Variants in SMURF1 observed in about 807,000 individuals in gnomAD.
SMURF1 encodes SMAD specific E3 ubiquitin protein ligase 1.
A neutral mutation model predicts 98.0 loss-of-function variants in SMURF1; 44 were observed. The observed-to-expected ratio is 0.45, with a 90% CI of 0.35 to 0.58. The LOEUF (loss-of-function observed/expected upper bound fraction) is 0.58. Among genes scored for constraint, SMURF1 ranks in the 20% least tolerant of loss-of-function variants. The probability of loss-of-function intolerance (pLI) is 0.00; values close to 1 mark genes in which losing one functional copy is unlikely to be tolerated. For missense variants in SMURF1, 687 were observed against 938.4 expected (o/e 0.73, Z 3.50); for synonymous variants, 396 against 374.9 (o/e 1.06, Z -0.65).
At chr7:99,080,861 C>A (rs1012058390) in intron 1 of SMURF1, among the ~76,000 whole-genome samples, 2 of 152,206 alleles carry the variant, frequency 1.3e-5, no homozygotes, top group Non-Finnish European at 2.9e-5. Flanking sequence ...CAGCTCCCTG[C>A]AAGGGATCAC....
chr7:99,048,761 A>G (rs1426884739), intron 9 of SMURF1: 4 of 152,246 alleles, frequency 2.6e-5, no homozygotes, highest in South Asian at 2.1e-4. Flanking sequence ...GTCCTGTTCA[A>G]GTTTTGCCAC....
intron 1 of SMURF1, among the ~76,000 whole-genome samples, chr7:99,110,252 A>C (rs956920351): frequency 4.6e-5 from 7 of 152,240 alleles, no homozygotes; most frequent in Non-Finnish European, 7.3e-5. Context: ...CTAGAAATAA[A>C]CTTTAGAAAT....
At chr7:99,135,058 T>C (rs1242478819) in intron 1 of SMURF1, among the ~76,000 whole-genome samples, 1 of 152,178 alleles carries the variant, frequency 6.6e-6, no homozygotes, top group Non-Finnish European at 1.5e-5. Context: ...AGGAAGTCCT[T>C]ATAAATATGA....
chr7:99,078,013 C>T (rs1361286895), intron 1 of SMURF1, among the ~76,000 whole-genome samples: 1 of 152,036 alleles, frequency 6.6e-6, no homozygotes, highest in Non-Finnish European at 1.5e-5. Flanking sequence ...AATAGTGGCA[C>T]CAGTGCCGGG....
intron 17 of SMURF1, 146 bp downstream of exon 17, chr7:99,032,891 C>T: frequency 1.0e-6 from 1 of 987,444 alleles, no homozygotes; most frequent in Non-Finnish European, 1.5e-6. Flanking sequence ...CCTTCTGTCT[C>T]AGGTGCTGTG....
chr7:99,122,026 T>C (rs1201836599), intron 1 of SMURF1, among the ~76,000 whole-genome samples: 1 of 152,132 alleles, frequency 6.6e-6, no homozygotes, highest in Non-Finnish European at 1.5e-5. Context: ...CAAGAACCTG[T>C]TTTTAGCATT....
Position 99,047,892 on chromosome 7 carries a change from A to C in SMURF1, c.954-10T>G. The C allele has an allele frequency of 6.2e-7, 1 of 1,612,914 alleles. No homozygotes were observed. The highest frequency in any genetic ancestry group is 8.5e-7 in the Non-Finnish European group (1 of 1,179,972). On this transcript the variant is annotated splice_polypyrimidine_tract_variant and intron_variant, in intron 9 of 17. Transcript: ENST00000361368. ...GAGTTGGCACTGGTGACTTGAGAAG[A>C]AGAGATGCAGAAAGTCACTCCGAAG...
intron 1 of SMURF1, among the ~76,000 whole-genome samples, chr7:99,088,257 C>CAAAA (rs537503861): frequency 3.8e-5 from 5 of 131,360 alleles, no homozygotes; most frequent in Non-Finnish European, 4.9e-5. Flanking sequence ...GACTCTGTCT[C>CAAAA]AAAAAAAAAA....
At chr7:99,035,475 T>C (rs1380201855) in intron 16 of SMURF1, 40 bp downstream of exon 16, 1 of 1,608,762 alleles carries the variant, frequency 6.2e-7, no homozygotes, top group South Asian at 1.1e-5. Context: ...ACAGCGCACA[T>C]AGACGCGTCA....
At chr7:99,044,549 T>A (rs965144304) in intron 11 of SMURF1, among the ~76,000 whole-genome samples, 1 of 152,130 alleles carries the variant, frequency 6.6e-6, no homozygotes. Flanking sequence ...ATATTACAGA[T>A]GACAGAATTT....
chr7:99,127,916 A>G (rs564362138), intron 1 of SMURF1, among the ~76,000 whole-genome samples: 2 of 152,318 alleles, frequency 1.3e-5, no homozygotes, highest in South Asian at 2.1e-4. Flanking sequence ...GCGATACGAA[A>G]TGTACTTAAA....
intron 1 of SMURF1, among the ~76,000 whole-genome samples, chr7:99,062,747 C>CT (rs1178622482): frequency 6.6e-6 from 1 of 152,072 alleles, no homozygotes; most frequent in Non-Finnish European, 1.5e-5. Flanking sequence ...ACTCCAGAAG[C>CT]TGAGGCAGGA....
Position 99,028,083 on chromosome 7 carries a change from C to T in SMURF1, c.*2501G>A, listed in dbSNP as rs1001620173. 3 of 152,812 alleles carry T rather than the reference C, an allele frequency of 2.0e-5. No individual in the cohort carries two copies. The highest frequency in any genetic ancestry group is 3.9e-4 in the East Asian group (2 of 5,170). The allele number at this position is 152,812 out of a possible 1,614,324, so 9.5% of individuals were successfully genotyped here. A position where few individuals can be genotyped will look rare whatever the true frequency, so the allele number is the denominator to read the frequency against. ...GCTGGTGAGGGCAAGCCTGAAAAGC[C>T]GGGCCCCTGAAGCATCTGGGCAGAG... On this transcript the variant is annotated 3_prime_UTR_variant, in exon 18 of 18. Coordinates refer to ENST00000361368, the MANE Select transcript of SMURF1 (RefSeq NM_181349.3).
chr7:99,057,378 T>C (rs1795902535), intron 4 of SMURF1, 40 bp downstream of exon 4: 1 of 1,612,282 alleles, frequency 6.2e-7, no homozygotes. Flanking sequence ...CTAAGCTTTC[T>C]TTGGTTGCAT....
rs562252830 is a variant in SMURF1, at chr7:99,080,461, G to A, written c.56-18624C>T. 5.3e-5 allele frequency among the ~76,000 whole-genome samples: 8 copies of A among 152,134 alleles called. No individual in the cohort carries two copies. The East Asian group carries it at 1.2e-3, about 22-fold the overall frequency. ...ATTACAAGCATGCACCACTACACCCGGCTAACTTTGTATTTTTAGTAGAGA... is the reference window on the plus strand; with the variant it reads ...ATTACAAGCATGCACCACTACACCCAGCTAACTTTGTATTTTTAGTAGAGA... On this transcript the variant is annotated intron_variant, in intron 1 of 17. Coordinates refer to ENST00000361368, the MANE Select transcript of SMURF1 (RefSeq NM_181349.3).
At chr7:99,079,254 G>A (rs938068613) in intron 1 of SMURF1, among the ~76,000 whole-genome samples, 4 of 152,218 alleles carry the variant, frequency 2.6e-5, no homozygotes, top group Non-Finnish European at 5.9e-5. Flanking sequence ...GACCAGGCTC[G>A]TTCTCCATCT....
At chr7:99,076,798 CGCATGTGT>C (rs1563018533) in intron 1 of SMURF1, among the ~76,000 whole-genome samples, 1 of 151,906 alleles carries the variant, frequency 6.6e-6, no homozygotes, top group South Asian at 2.1e-4. Context: ...TGTGTGTGTG[CGCATGTGT>C]GCAAGTGTGC....
intron 1 of SMURF1, among the ~76,000 whole-genome samples, chr7:99,112,802 C>G (rs1231103159): frequency 6.6e-6 from 1 of 151,994 alleles, no homozygotes; most frequent in Non-Finnish European, 1.5e-5. Context: ...TACAGAATAT[C>G]AACAAAGTGA....
intron 15 of SMURF1, among the ~76,000 whole-genome samples, chr7:99,036,723 T>C (rs936092133): frequency 6.6e-6 from 1 of 152,090 alleles, no homozygotes; most frequent in Admixed American, 6.6e-5. Context: ...TAAAAAGCAG[T>C]AAGATGCTCT....
Sources: gnomAD v4.1 joint callset for allele counts (sites outside exome capture counted in the v4.1 genomes callset) on GRCh38, gnomAD v4.1.1 for gene constraint, MANE v1.5 for transcripts, NCBI Gene and HGNC (gene_info 2026-07-23, HGNC 2026-07-21) for gene names.